Variants in KCNMA1 observed in about 807,000 individuals in gnomAD.
KCNMA1 encodes the protein potassium calcium-activated channel subfamily M alpha 1, also known as Calcium-activated potassium channel subunit alpha-1.
A neutral mutation model predicts 140.0 loss-of-function variants in KCNMA1; 29 were observed. That is an observed-to-expected ratio of 0.21 (90% CI 0.15 to 0.28). The LOEUF is 0.28. Ranked by LOEUF, KCNMA1 falls within the 10% of genes least tolerant of loss-of-function variation. The pLI, the probability that KCNMA1 is intolerant of heterozygous loss-of-function variation, is 1.00. For missense variants in KCNMA1, 880 were observed against 1,602.2 expected, an observed-to-expected ratio of 0.55 and a Z score of 7.70; for synonymous variants, 612 against 611.9, an observed-to-expected ratio of 1.00 and a Z score of 0.00.
At chr10:77,540,682 A>C (rs2059964791) in intron 1 of KCNMA1, among the ~76,000 whole-genome samples, 1 of 152,246 alleles carries the variant, frequency 6.6e-6, no homozygotes, top group Non-Finnish European at 1.5e-5. Flanking sequence ...AATTATGAAA[A>C]TGTATCTCAA....
chr10:77,099,919 A>G (rs2097054987), intron 9 of KCNMA1, among the ~76,000 whole-genome samples: 1 of 152,086 alleles, frequency 6.6e-6, no homozygotes, highest in South Asian at 2.1e-4. Flanking sequence ...GCTATTACCT[A>G]TGCTCTCCAC....
chr10:77,582,046 C>T (rs2076038315), intron 1 of KCNMA1, among the ~76,000 whole-genome samples: 1 of 152,180 alleles, frequency 6.6e-6, no homozygotes, highest in Non-Finnish European at 1.5e-5. Flanking sequence ...TCTGAGGTTC[C>T]AATATACATA....
intron 1 of KCNMA1, among the ~76,000 whole-genome samples, chr10:77,450,191 G>A (rs2097608605): frequency 2.6e-5 from 4 of 152,102 alleles, no homozygotes; most frequent in African/African-American, 9.7e-5. Context: ...GAGTAGCTGG[G>A]ATTACAGGTG....
At chr10:77,605,100 C>T (rs1021124522) in intron 1 of KCNMA1, among the ~76,000 whole-genome samples, 2 of 152,268 alleles carry the variant, frequency 1.3e-5, no homozygotes, top group Admixed American at 1.3e-4. Context: ...AGCCAGCTGC[C>T]GGGCTTTCCA....
At chr10:77,069,136 G>T (rs2096082510) in intron 14 of KCNMA1, among the ~76,000 whole-genome samples, 1 of 152,172 alleles carries the variant, frequency 6.6e-6, no homozygotes, top group South Asian at 2.1e-4. Context: ...TAGCAGATAG[G>T]CTAAGTAAGT....
At chr10:77,587,752 T>A (rs2077685552) in intron 1 of KCNMA1, 1 of 985,316 alleles carries the variant, frequency 1.0e-6, no homozygotes, top group South Asian at 4.7e-5. Context: ...GGTGCTTTCA[T>A]GTCTTTTATT....
intron 2 of KCNMA1, among the ~76,000 whole-genome samples, chr10:77,279,049 GTGT>G (rs1230396951): frequency 2.6e-5 from 4 of 152,166 alleles, no homozygotes; most frequent in Admixed American, 1.3e-4. Context: ...TTTGGGGGGT[GTGT>G]TGTTGTTGGA....
intron 2 of KCNMA1, among the ~76,000 whole-genome samples, chr10:77,316,573 C>T (rs746886747): frequency 2.0e-5 from 3 of 152,146 alleles, no homozygotes; most frequent in Non-Finnish European, 4.4e-5. Flanking sequence ...ATCCAGGTAA[C>T]GCTGCTCCTC....
chr10:77,434,932 T>C (rs2097226674), intron 1 of KCNMA1, among the ~76,000 whole-genome samples: 1 of 152,218 alleles, frequency 6.6e-6, no homozygotes, highest in Admixed American at 6.5e-5. Context: ...TTTCTTTCAA[T>C]GGAGTCAAAT....
At chr10:77,358,458 C>T (rs555536160) in intron 2 of KCNMA1, among the ~76,000 whole-genome samples, 8 of 152,300 alleles carry the variant, frequency 5.3e-5, no homozygotes, top group African/African-American at 1.4e-4. Flanking sequence ...TCCCCACTCC[C>T]TCCACCTCCC....
intron 19 of KCNMA1, among the ~76,000 whole-genome samples, chr10:76,988,976 G>A (rs1365168407): frequency 6.6e-6 from 1 of 152,114 alleles, no homozygotes; most frequent in Non-Finnish European, 1.5e-5. Flanking sequence ...ACAAAACAAG[G>A]TGTAACAAAT....
At chr10:76,914,218 A>C in intron 24 of KCNMA1, 1 of 1,058,292 alleles carries the variant, frequency 9.4e-7, no homozygotes, top group Non-Finnish European at 1.4e-6. Flanking sequence ...GGAATAACAG[A>C]GGAAACATTC....
At chr10:77,052,475 A>G (rs1032069491) in intron 14 of KCNMA1, among the ~76,000 whole-genome samples, 2 of 151,922 alleles carry the variant, frequency 1.3e-5, no homozygotes, top group African/African-American at 2.4e-5. Context: ...ACTTGCCCAC[A>G]TCTCTCAGTT....
intron 1 of KCNMA1, among the ~76,000 whole-genome samples, chr10:77,603,802 A>G (rs1421865619): frequency 6.6e-6 from 1 of 152,180 alleles, no homozygotes; most frequent in Non-Finnish European, 1.5e-5. Flanking sequence ...GAAAGGCAAT[A>G]TGGCTCTCAG....
intron 16 of KCNMA1, among the ~76,000 whole-genome samples, chr10:77,023,665 A>G (rs1177610102): frequency 6.6e-6 from 1 of 152,158 alleles, no homozygotes; most frequent in Non-Finnish European, 1.5e-5. Flanking sequence ...CTCAGAGAGT[A>G]TGACTGCATT....
chr10:77,081,563 G>C (rs1227960497), intron 12 of KCNMA1, among the ~76,000 whole-genome samples: 1 of 152,174 alleles, frequency 6.6e-6, no homozygotes, highest in African/African-American at 2.4e-5. Context: ...GAAATGGAGA[G>C]AAGGCAGCCA....
At chr10:77,105,449 C>G (rs1295195102) in intron 9 of KCNMA1, among the ~76,000 whole-genome samples, 1 of 152,162 alleles carries the variant, frequency 6.6e-6, no homozygotes, top group African/African-American at 2.4e-5. Context: ...AGTTTTATGT[C>G]TCTGTAGCTT....
At chr10:76,900,964 A>G (rs1289899268) in intron 25 of KCNMA1, among the ~76,000 whole-genome samples, 1 of 151,910 alleles carries the variant, frequency 6.6e-6, no homozygotes, top group Non-Finnish European at 1.5e-5. Context: ...AGATTTATGT[A>G]CAATAATTTT....
chr10:77,354,975 C>A (rs2093337525), intron 2 of KCNMA1, among the ~76,000 whole-genome samples: 1 of 152,324 alleles, frequency 6.6e-6, no homozygotes, highest in Non-Finnish European at 1.5e-5. Context: ...TGTGTCCCCA[C>A]CCAAATCTCA....
Sources: allele counts gnomAD v4.1 joint callset (sites outside exome capture counted in the v4.1 genomes callset), GRCh38; gene constraint gnomAD v4.1.1; transcripts MANE v1.5; gene names NCBI Gene and HGNC (gene_info 2026-07-23, HGNC 2026-07-21).